GULP1: variants seen among roughly 807,000 people sequenced by gnomAD.
GULP1 encodes the protein PTB domain-containing engulfment adapter protein 1.
GULP1 carries 19 observed loss-of-function variants against 40.9 expected under a neutral mutation model. The observed-to-expected ratio is 0.46, with a 90% confidence interval of 0.32 to 0.68. The LOEUF is 0.68. Ranked by LOEUF, GULP1 falls within the 30% of genes least tolerant of loss-of-function variation. GULP1 has a pLI of 0.03. For synonymous variants in GULP1, 119 were observed against 117.6 expected, an observed-to-expected ratio of 1.01 and a Z score of -0.08; for missense variants, 312 against 362.2, an observed-to-expected ratio of 0.86 and a Z score of 1.12.
At chr2:188,395,160 CA>C (rs2051060906) in intron 2 of GULP1, among the ~76,000 whole-genome samples, 2 of 152,132 alleles carry the variant, frequency 1.3e-5, no homozygotes, top group African/African-American at 4.8e-5. Flanking sequence ...GAGGTCTTAT[CA>C]GGGGGAACAG....
intron 1 of GULP1, among the ~76,000 whole-genome samples, chr2:188,368,939 G>GTATATATA (rs56274020): frequency 0.02 from 1,688 of 85,848 alleles, 23 homozygotes; most frequent in East Asian, 0.033. Flanking sequence ...ATATATGTGT[G>GTATATATA]TATATATATA....
At chr2:188,589,313 A>G (rs1703034905) in intron 11 of GULP1, 1 of 152,674 alleles carries the variant, frequency 6.5e-6, no homozygotes, top group Non-Finnish European at 1.5e-5. Flanking sequence ...TCTTTTCTAT[A>G]TTTCAAACGC....
intron 2 of GULP1, among the ~76,000 whole-genome samples, chr2:188,436,568 T>G (rs2057426918): frequency 6.6e-6 from 1 of 152,074 alleles, no homozygotes; most frequent in Non-Finnish European, 1.5e-5. Context: ...GACCCTTGAT[T>G]TCTAAACTGG....
intron 1 of GULP1, among the ~76,000 whole-genome samples, chr2:188,369,102 A>G (rs1480923004): frequency 6.6e-6 from 1 of 150,754 alleles, no homozygotes; most frequent in Non-Finnish European, 1.5e-5. Context: ...CTGGAACTAC[A>G]GGTGCATGCC....
At chr2:188,578,744 G>GT (rs1316999152) in intron 9 of GULP1, among the ~76,000 whole-genome samples, 1 of 152,086 alleles carries the variant, frequency 6.6e-6, no homozygotes. Flanking sequence ...ACATAAAGCA[G>GT]TTGCTTGAAC....
chr2:188,299,610 C>A (rs1186716920), intron 1 of GULP1, among the ~76,000 whole-genome samples: 1 of 152,128 alleles, frequency 6.6e-6, no homozygotes, highest in Non-Finnish European at 1.5e-5. Context: ...AAATACTTAT[C>A]AAATAACACT....
chr2:188,293,806 GGCA>G (rs2034331317), intron 1 of GULP1: 1 of 152,282 alleles, frequency 6.6e-6, no homozygotes. Flanking sequence ...GAACCTGGCC[GGCA>G]GCCAAACTAG....
At chr2:188,498,057 A>T (rs1180077803) in intron 4 of GULP1, among the ~76,000 whole-genome samples, 1 of 151,910 alleles carries the variant, frequency 6.6e-6, no homozygotes. Flanking sequence ...CTTGACTTAT[A>T]CTAAGGAGCA....
At chr2:188,582,213 A>G in intron 9 of GULP1, 1 of 359,070 alleles carries the variant, frequency 2.8e-6, no homozygotes, top group Non-Finnish European at 5.6e-6. Flanking sequence ...TAATTTTAGA[A>G]AAGTTACTGT....
chr2:188,590,755 G>A (rs539926611), intron 11 of GULP1: 2 of 152,222 alleles, frequency 1.3e-5, no homozygotes, highest in African/African-American at 4.8e-5. Context: ...AGCCCACACT[G>A]TAACATGTGA....
intron 1 of GULP1, among the ~76,000 whole-genome samples, chr2:188,370,944 C>T (rs556054754): frequency 6.6e-6 from 1 of 152,082 alleles, no homozygotes; most frequent in South Asian, 2.1e-4. Flanking sequence ...GATTTTTCTC[C>T]TCTCTTTAAC....
chr2:188,308,634 G>C (rs1429371152), intron 1 of GULP1, among the ~76,000 whole-genome samples: 1 of 152,136 alleles, frequency 6.6e-6, no homozygotes, highest in Non-Finnish European at 1.5e-5. Flanking sequence ...AGATGTTATA[G>C]AATGCCAAGA....
chr2:188,475,159 A>C (rs543725561), intron 2 of GULP1, among the ~76,000 whole-genome samples: 1 of 152,284 alleles, frequency 6.6e-6, no homozygotes, highest in Non-Finnish European at 1.5e-5. Flanking sequence ...GACGTGTTTT[A>C]CAAAAAAAGT....
intron 2 of GULP1, among the ~76,000 whole-genome samples, chr2:188,445,777 A>G (rs1051207321): frequency 6.6e-5 from 10 of 152,128 alleles, no homozygotes; most frequent in African/African-American, 2.2e-4. Flanking sequence ...TTATTCTGCT[A>G]TTTTCTTTCC....
intron 1 of GULP1, among the ~76,000 whole-genome samples, chr2:188,366,424 T>C (rs901089814): frequency 2.6e-5 from 4 of 152,116 alleles, no homozygotes; most frequent in African/African-American, 9.7e-5. Context: ...ATCTGACTAT[T>C]AAGTGCACAT....
At chr2:188,524,442 T>G (rs985427320) in intron 5 of GULP1, among the ~76,000 whole-genome samples, 1 of 152,072 alleles carries the variant, frequency 6.6e-6, no homozygotes, top group African/African-American at 2.4e-5. Flanking sequence ...ATAGTAGCTG[T>G]TTTTTCTCAA....
At chr2:188,569,581 G>A in intron 8 of GULP1, 1 of 462,016 alleles carries the variant, frequency 2.2e-6, no homozygotes. Context: ...GTTCTCATGT[G>A]ACTTTGCTTC....
chr2:188,389,966 T>G (rs1193815571), intron 2 of GULP1, among the ~76,000 whole-genome samples: 1 of 152,112 alleles, frequency 6.6e-6, no homozygotes, highest in African/African-American at 2.4e-5. Flanking sequence ...CTTTTTTTTT[T>G]TTAAATGGCT....
At chr2:188,401,498 C>A (rs971427492) in intron 2 of GULP1, among the ~76,000 whole-genome samples, 1 of 151,844 alleles carries the variant, frequency 6.6e-6, no homozygotes, top group Non-Finnish European at 1.5e-5. Flanking sequence ...AAGTTGTTAG[C>A]ACATATAATG....
Sources: allele counts gnomAD v4.1 joint callset (sites outside exome capture counted in the v4.1 genomes callset), GRCh38; gene constraint gnomAD v4.1.1; transcripts MANE v1.5; gene names NCBI Gene and HGNC (gene_info 2026-07-23, HGNC 2026-07-21).